The following SPIRE2 variants were observed in gnomAD, a reference collection of about 807,000 sequenced individuals.
SPIRE2 encodes spire type actin nucleation factor 2.
In SPIRE2, 76 loss-of-function variants were observed where a neutral mutation model predicts 80.7. That is an observed-to-expected ratio of 0.94 (90% CI 0.78 to 1.14). The LOEUF (loss-of-function observed/expected upper bound fraction) is 1.14. SPIRE2 is among the 50% of genes most tolerant of loss of function. The pLI is 0.00. For missense variants in SPIRE2, 1,196 were observed against 1,015.3 expected (o/e 1.18, Z -2.42); for synonymous variants, 535 against 432.6 (o/e 1.24, Z -2.94).
rs752104867 is a variant in SPIRE2, at chr16:89,870,034, C to G, written c.1923-16C>G. ...TGGCTGGCTCCTCTCCCTGAGTGCC[C>G]TCTCCCACTTCCCAGGTCTCTGCAA... On this transcript the variant is annotated splice_polypyrimidine_tract_variant and intron_variant, in intron 14 of 14. Coordinates refer to ENST00000378247, the MANE Select transcript of SPIRE2 (RefSeq NM_032451.2). 2.2e-5 allele frequency: 35 copies of G among 1,607,110 alleles called. 1 individual carries two copies. The African/African-American group carries it at 4.0e-4, about 18-fold the overall frequency.
intron 1 of SPIRE2, among the ~76,000 whole-genome samples, chr16:89,835,098 G>A (rs371164743): frequency 6.6e-6 from 1 of 150,420 alleles, no homozygotes; most frequent in East Asian, 2.0e-4. Context: ...GGCCGTCGTA[G>A]AAGCCTAGAT....
At chr16:89,845,287 G>A in intron 1 of SPIRE2, 35 bp from the exon 2 acceptor site, 1 of 1,610,198 alleles carries the variant, frequency 6.2e-7, no homozygotes, top group East Asian at 2.2e-5. Flanking sequence ...TCCCGGGGAT[G>A]CTGACAAATA....
At chr16:89,845,982 C>T (rs959347329) in intron 2 of SPIRE2, 4 of 228,328 alleles carry the variant, frequency 1.8e-5, no homozygotes, top group East Asian at 1.0e-4. Flanking sequence ...CTGCAAGCTC[C>T]GCCTCCCGGG....
chr16:89,859,126 G>A (rs1203697247), intron 8 of SPIRE2, 39 bp from the exon 9 acceptor site: 1 of 1,490,294 alleles, frequency 6.7e-7, no homozygotes, highest in East Asian at 2.5e-5. Flanking sequence ...GGCACTGGCG[G>A]GCATTGTCAG....
At chr16:89,833,394 G>C (rs2041407338) in intron 1 of SPIRE2, among the ~76,000 whole-genome samples, 1 of 152,238 alleles carries the variant, frequency 6.6e-6, no homozygotes, top group African/African-American at 2.4e-5. Context: ...AAAAGTGCTG[G>C]GATTACAGGG....
In SPIRE2 at chr16:89,856,209, G is replaced by A. The variant is rs772628067; in HGVS notation, c.1075G>A (p.Val359Met). Reference protein sequence around the residue: ...EIKQERRLRPVRGEGWAARGF... With the variant: ...EIKQERRLRPMRGEGWAARGF... ...CAAGCAGGAGCGGAGGCTGCGCCCG[G>A]TGCGGGGCGAGGGCTGGGCTGCCCG... The change falls in exon 7 of 15, where the codon GTG (valine) becomes ATG (methionine). Residue 359 changes from valine to methionine, a missense_variant. Val to Met is a conservative substitution (Grantham distance 21). Coordinates refer to ENST00000378247, the MANE Select transcript of SPIRE2 (RefSeq NM_032451.2). 1 of 1,592,144 alleles carries A rather than the reference G, an allele frequency of 6.3e-7. No individual in the cohort carries two copies. The highest frequency in any genetic ancestry group is 8.5e-7 in the Non-Finnish European group (1 of 1,170,650).
chr16:89,865,860 C>G (rs918689562), intron 12 of SPIRE2, among the ~76,000 whole-genome samples: 1 of 146,222 alleles, frequency 6.8e-6, no homozygotes, highest in Non-Finnish European at 1.5e-5. Context: ...CCCAGCTACT[C>G]GGGAGGCTGA....
chr16:89,855,389 C>T (rs1480534823), intron 5 of SPIRE2, among the ~76,000 whole-genome samples: 3 of 152,048 alleles, frequency 2.0e-5, no homozygotes, highest in East Asian at 1.9e-4. Context: ...GGTGGGGACG[C>T]GTCAGACCAT....
chr16:89,832,297 G>C (rs1156248784), intron 1 of SPIRE2, among the ~76,000 whole-genome samples: 1 of 152,258 alleles, frequency 6.6e-6, no homozygotes, highest in Non-Finnish European at 1.5e-5. Flanking sequence ...ATCTGGGCTG[G>C]CTGGGCCTCC....
chr16:89,837,649 G>A (rs1053458418), intron 1 of SPIRE2, among the ~76,000 whole-genome samples: 8 of 152,172 alleles, frequency 5.3e-5, no homozygotes, highest in Non-Finnish European at 8.8e-5. Flanking sequence ...CACTGCTGAG[G>A]GCAGTTCTGT....
At chr16:89,852,955 A>G (rs11643251) in intron 3 of SPIRE2, among the ~76,000 whole-genome samples, 12,663 of 21,296 alleles carry the variant, frequency 0.59, 3,443 homozygotes, top group East Asian at 0.82. Context: ...CCCGTCTTCC[A>G]TCCTCCCTCT....
At position 89,856,111 on chromosome 16, in the gene SPIRE2, A is replaced by C; in HGVS notation, c.979-2A>C. On this transcript the variant is annotated splice_acceptor_variant, in intron 6 of 14. Transcript: ENST00000378247. LOFTEE classifies it high-confidence loss of function. ...ACCGCAGGTCTCGCTTCCCCACCGC[A>C]GGTCTCTGAGAGGCGGCTGCGCCCG... The C allele has an allele frequency of 6.2e-7, 1 of 1,611,418 alleles. No homozygotes were observed. Among genetic ancestry groups the C allele is most frequent in the Non-Finnish European group, 8.5e-7 (1 of 1,179,560 alleles).
intron 3 of SPIRE2, among the ~76,000 whole-genome samples, chr16:89,852,673 C>A (rs117675822): frequency 1.7e-5 from 1 of 60,116 alleles, no homozygotes; most frequent in Non-Finnish European, 3.3e-5. Flanking sequence ...GGCCCGTCAT[C>A]CGTCTTCTCT....
Position 89,856,195 on chromosome 16 carries a change from G to T in SPIRE2, c.1061G>T (p.Arg354Leu). 1 of 1,602,094 alleles carries T rather than the reference G, an allele frequency of 6.2e-7. No individual in the cohort carries two copies. Among genetic ancestry groups the T allele is most frequent in the Middle Eastern group, 1.8e-4 (1 of 5,656 alleles). ...ATCCTGGAGGAGATCAAGCAGGAGC[G>T]GAGGCTGCGCCCGGTGCGGGGCGAG... Reference protein sequence around the residue: ...EKILEEIKQERRLRPVRGEGW... With the variant: ...EKILEEIKQELRLRPVRGEGW... The change falls in exon 7 of 15, where the codon CGG becomes CTG. Residue 354 changes from arginine (R) to leucine (L), a missense_variant. Arg to Leu is a moderately radical substitution (Grantham distance 102, BLOSUM62 -2). Transcript: ENST00000378247.
Position 89,859,319 on chromosome 16 carries a change from G to C in SPIRE2, c.1427G>C (p.Ser476Thr). 1.9e-6 allele frequency: 3 copies of C among 1,588,772 alleles called. No individual in the cohort carries two copies. The highest frequency in any genetic ancestry group is 2.6e-6 in the Non-Finnish European group (3 of 1,172,990). Residue 476 changes from serine to threonine, a missense_variant, in exon 9 of 15, where the codon AGT becomes ACT. Ser to Thr is a moderately conservative substitution (Grantham distance 58, BLOSUM62 1). Transcript: ENST00000378247. ...GAGCCACCACGGCCCCGAGCTGGCA[G>C]TGCGCATGTGTGGAGGCCCGGCTCC... ...GTEPPRPRAG[S>T]AHVWRPGSRD... is the part of the protein sequence containing the mutation.
At chr16:89,860,169 G>T (rs1489571300) in intron 9 of SPIRE2, among the ~76,000 whole-genome samples, 1 of 152,184 alleles carries the variant, frequency 6.6e-6, no homozygotes, top group Admixed American at 6.5e-5. Flanking sequence ...CTCATTCTGG[G>T]GCTCAGACAC....
Position 89,854,584 on chromosome 16 carries a change from A to T in SPIRE2, c.824A>T (p.Gln275Leu). The change falls in exon 5 of 15, where the codon CAG becomes CTG. Residue 275 changes from glutamine to leucine, a missense_variant. By Grantham distance (113) the Gln-to-Leu change is moderately radical. Coordinates refer to ENST00000378247, the MANE Select transcript of SPIRE2 (RefSeq NM_032451.2). Reference protein sequence around the residue: ...QEFNPLPTEFQLTPFEMLMQD... With the variant: ...QEFNPLPTEFLLTPFEMLMQD... Reference sequence around the variant, plus strand: ...TTCAACCCCCTCCCCACCGAGTTCCAGCTCACGCCCTTCGAGATGCTGATG... The same window carrying T: ...TTCAACCCCCTCCCCACCGAGTTCCTGCTCACGCCCTTCGAGATGCTGATG... The T allele has an allele frequency of 6.2e-7, 1 of 1,611,282 alleles. No homozygotes were observed. Among genetic ancestry groups the T allele is most frequent in the Non-Finnish European group, 8.5e-7 (1 of 1,179,170 alleles).
intron 1 of SPIRE2, among the ~76,000 whole-genome samples, chr16:89,837,807 T>A (rs1349056927): frequency 6.6e-6 from 1 of 152,134 alleles, no homozygotes; most frequent in Non-Finnish European, 1.5e-5. Context: ...ACGAGTGGGT[T>A]GGTCTCAGCC....
chr16:89,856,537 C>A (rs910697897), intron 7 of SPIRE2, among the ~76,000 whole-genome samples: 12 of 151,902 alleles, frequency 7.9e-5, no homozygotes, highest in Non-Finnish European at 1.5e-4. Flanking sequence ...CTCCGCCCCC[C>A]GGGTTCAAGT....
Sources: gnomAD v4.1 joint callset for allele counts (sites outside exome capture counted in the v4.1 genomes callset) on GRCh38, gnomAD v4.1.1 for gene constraint, MANE v1.5 for transcripts, NCBI Gene and HGNC (gene_info 2026-07-23, HGNC 2026-07-21) for gene names.